HS6ST3: variants seen among roughly 807,000 people sequenced by gnomAD.
HS6ST3 encodes the protein heparan sulfate 6-O-sulfotransferase 3, also known as heparan-sulfate 6-O-sulfotransferase 3.
Under a neutral mutation model 36.7 loss-of-function variants are expected in HS6ST3, and 12 were observed. The observed-to-expected ratio is 0.33, with a 90% CI of 0.21 to 0.53. The LOEUF is 0.53. Among genes scored for constraint, HS6ST3 ranks in the 20% least tolerant of loss-of-function variants. HS6ST3 has a pLI of 0.95. For missense variants in HS6ST3, 584 were observed against 640.9 expected, an observed-to-expected ratio of 0.91 and a Z score of 0.96; for synonymous variants, 240 against 257.5, an observed-to-expected ratio of 0.93 and a Z score of 0.65.
At chr13:96,137,118 A>C (rs2054006324) in intron 1 of HS6ST3, among the ~76,000 whole-genome samples, 1 of 151,932 alleles carries the variant, frequency 6.6e-6, no homozygotes, top group Admixed American at 6.6e-5. Flanking sequence ...TACTTCCTGG[A>C]TGTTCTTTCA....
chr13:96,237,585 T>A (rs2054540478), intron 1 of HS6ST3, among the ~76,000 whole-genome samples: 2 of 152,234 alleles, frequency 1.3e-5, no homozygotes, highest in South Asian at 4.1e-4. Flanking sequence ...CCCTTATATC[T>A]GCTCCATTCC....
chr13:96,355,382 CACACACACACACACACACACAA>C (rs931553226), intron 1 of HS6ST3, among the ~76,000 whole-genome samples: 8 of 150,792 alleles, frequency 5.3e-5, no homozygotes, highest in African/African-American at 2.0e-4. Context: ...CACACACACA[CACACACACACACACACACACAA>C]ACACACAAAC....
intron 1 of HS6ST3, among the ~76,000 whole-genome samples, chr13:96,146,952 A>G (rs1282349343): frequency 6.6e-6 from 1 of 152,234 alleles, no homozygotes; most frequent in Non-Finnish European, 1.5e-5. Context: ...AGGTTGTTAT[A>G]CCATCTATCA....
At chr13:96,299,064 A>G (rs1040935469) in intron 1 of HS6ST3, among the ~76,000 whole-genome samples, 1 of 152,218 alleles carries the variant, frequency 6.6e-6, no homozygotes, top group East Asian at 1.9e-4. Flanking sequence ...TGAAAAGTCC[A>G]AATGTACTGT....
At chr13:96,464,156 A>AAAAAAAAAAAAAAAAAAAAAAAAC in intron 1 of HS6ST3, among the ~76,000 whole-genome samples, 1 of 149,136 alleles carries the variant, frequency 6.7e-6, no homozygotes, top group Non-Finnish European at 1.5e-5. Flanking sequence ...AAAAAAAAAA[A>AAAAAAAAAAAAAAAAAAAAAAAAC]AAAAATCAAA....
intron 1 of HS6ST3, among the ~76,000 whole-genome samples, chr13:96,163,108 G>T (rs1011634361): frequency 6.6e-6 from 1 of 152,004 alleles, no homozygotes; most frequent in Admixed American, 6.6e-5. Flanking sequence ...TGATTTTATA[G>T]AGTTGTTCTT....
At chr13:96,682,887 T>C (rs1664707496) in intron 1 of HS6ST3, among the ~76,000 whole-genome samples, 1 of 152,140 alleles carries the variant, frequency 6.6e-6, no homozygotes, top group African/African-American at 2.4e-5. Flanking sequence ...CGTTGACACA[T>C]TTTCAGAAGC....
intron 1 of HS6ST3, among the ~76,000 whole-genome samples, chr13:96,812,507 C>T (rs1878337829): frequency 6.6e-6 from 1 of 152,146 alleles, no homozygotes; most frequent in Non-Finnish European, 1.5e-5. Flanking sequence ...ACCAGCCCTC[C>T]TGAAAAGAGC....
intron 1 of HS6ST3, among the ~76,000 whole-genome samples, chr13:96,621,410 C>T (rs559351118): frequency 1.3e-5 from 2 of 152,288 alleles, no homozygotes; most frequent in South Asian, 4.1e-4. Flanking sequence ...CCTCCTGCCA[C>T]CTTGTGAAGA....
At chr13:96,424,101 A>G (rs2055574444) in intron 1 of HS6ST3, among the ~76,000 whole-genome samples, 1 of 152,210 alleles carries the variant, frequency 6.6e-6, no homozygotes, top group South Asian at 2.1e-4. Context: ...TAGTTCAGTA[A>G]TATGAAATCC....
intron 1 of HS6ST3, among the ~76,000 whole-genome samples, chr13:96,688,445 T>C (rs1341403659): frequency 6.6e-6 from 1 of 151,990 alleles, no homozygotes; most frequent in African/African-American, 2.4e-5. Flanking sequence ...TGGTTTAGTC[T>C]GGATCCAAAG....
chr13:96,830,960 C>T lies in HS6ST3; in HGVS notation c.708-1530C>T, dbSNP rs533060632. ...TGGAAGACAGCTTGCGGGCCTGCTCCGCAATGGGGTCCTTTCTATGGCTTC... is the reference window on the plus strand; with the variant it reads ...TGGAAGACAGCTTGCGGGCCTGCTCTGCAATGGGGTCCTTTCTATGGCTTC... On this transcript the variant is annotated intron_variant, in intron 1 of 1. Transcript: ENST00000376705. 8.0e-4 allele frequency among the ~76,000 whole-genome samples: 122 copies of T among 152,312 alleles called. 1 individual carries two copies. The highest frequency in any genetic ancestry group is 2.8e-3 in the African/African-American group (118 of 41,554).
intron 1 of HS6ST3, among the ~76,000 whole-genome samples, chr13:96,484,596 A>C (rs563527517): frequency 6.6e-6 from 1 of 152,288 alleles, no homozygotes; most frequent in Non-Finnish European, 1.5e-5. Context: ...GAGATCATAC[A>C]GTATTTGTCT....
At chr13:96,220,652 C>T (rs2054450721) in intron 1 of HS6ST3, among the ~76,000 whole-genome samples, 2 of 152,170 alleles carry the variant, frequency 1.3e-5, no homozygotes, top group Admixed American at 1.3e-4. Context: ...CTTTATATCT[C>T]CTAATAAATC....
At chr13:96,702,145 G>A (rs1875305265) in intron 1 of HS6ST3, among the ~76,000 whole-genome samples, 1 of 152,202 alleles carries the variant, frequency 6.6e-6, no homozygotes, top group African/African-American at 2.4e-5. Context: ...TCTTGGTGAA[G>A]TCAATTAGAG....
intron 1 of HS6ST3, among the ~76,000 whole-genome samples, chr13:96,325,711 A>G (rs2055027427): frequency 6.6e-6 from 1 of 152,168 alleles, no homozygotes; most frequent in African/African-American, 2.4e-5. Context: ...AACATTTAAC[A>G]TTAATGACTG....
At chr13:96,711,195 C>A (rs1875552589) in intron 1 of HS6ST3, among the ~76,000 whole-genome samples, 1 of 152,108 alleles carries the variant, frequency 6.6e-6, no homozygotes. Context: ...GGCTTGTCTC[C>A]CCCTTGGTTG....
intron 1 of HS6ST3, among the ~76,000 whole-genome samples, chr13:96,318,190 A>G (rs1011203680): frequency 1.3e-5 from 2 of 152,164 alleles, no homozygotes; most frequent in Admixed American, 6.5e-5. Flanking sequence ...GAGATCTTAC[A>G]TTTAAATCTT....
intron 1 of HS6ST3, chr13:96,574,113 G>T (rs996461766): frequency 3.7e-6 from 2 of 539,336 alleles, no homozygotes; most frequent in Non-Finnish European, 7.5e-6. Flanking sequence ...CTTTATTCAG[G>T]TCTCAGGGAA....
Sources: gnomAD v4.1 joint callset for allele counts (sites outside exome capture counted in the v4.1 genomes callset) on GRCh38, gnomAD v4.1.1 for gene constraint, MANE v1.5 for transcripts, NCBI Gene and HGNC (gene_info 2026-07-23, HGNC 2026-07-21) for gene names.